Variants in TRIM71 observed in about 807,000 individuals in gnomAD.
TRIM71 encodes the protein E3 ubiquitin-protein ligase TRIM71.
Under a neutral mutation model 61.2 loss-of-function variants are expected in TRIM71, and 9 were observed. The ratio of observed to expected loss-of-function variants is 0.15; its 90% CI spans 0.09 to 0.26. TRIM71 has a LOEUF of 0.26. Among genes scored for constraint, TRIM71 ranks in the 10% least tolerant of loss-of-function variants. The pLI, the probability that TRIM71 is intolerant of heterozygous loss-of-function variation, is 1.00. For synonymous variants in TRIM71, 645 were observed against 553.2 expected (o/e 1.17, Z -2.33); for missense variants, 998 against 1,238.7 (o/e 0.81, Z 2.92).
chr3:32,858,433 T>A (rs561751658), intron 1 of TRIM71, among the ~76,000 whole-genome samples: 2 of 152,212 alleles, frequency 1.3e-5, no homozygotes, highest in Non-Finnish European at 2.9e-5. Flanking sequence ...AAATTAGCAG[T>A]GAACACAGCA....
intron 1 of TRIM71, among the ~76,000 whole-genome samples, chr3:32,823,558 T>C (rs1696163841): frequency 6.6e-6 from 1 of 152,208 alleles, no homozygotes. Context: ...AGACAAGATA[T>C]TTGGGGAAAA....
In TRIM71 at chr3:32,818,750, G is replaced by C; in HGVS notation, c.670G>C (p.Val224Leu). ...CCAGGAGCACCTGTGCGACAACTGC[G>C]TCCGAGCGCACCAGCGCGTGCGCCT... ...DCQEHLCDNCVRAHQRVRLTK... is the reference protein window; with the variant it reads ...DCQEHLCDNCLRAHQRVRLTK... The change falls in exon 1 of 4, where the codon GTC (valine) becomes CTC (leucine). Residue 224 changes from valine to leucine, a missense_variant. Physicochemically the swap from Val to Leu is conservative, Grantham distance 32 (BLOSUM62 1). Transcript: ENST00000383763. 1.9e-6 allele frequency: 3 copies of C among 1,604,224 alleles called. No individual in the cohort carries two copies. The highest frequency in any genetic ancestry group is 2.5e-6 in the Non-Finnish European group (3 of 1,178,232).
intron 1 of TRIM71, among the ~76,000 whole-genome samples, chr3:32,838,789 A>G (rs899210961): frequency 6.6e-6 from 1 of 151,224 alleles, no homozygotes; most frequent in Non-Finnish European, 1.5e-5. Context: ...AAAAATGTGG[A>G]TTTTGAGCTC....
chr3:32,861,821 G>C (rs1237651156), intron 1 of TRIM71, among the ~76,000 whole-genome samples: 1 of 151,988 alleles, frequency 6.6e-6, no homozygotes, highest in Admixed American at 6.6e-5. Flanking sequence ...TTGGGACTTG[G>C]AGACAAATCT....
Position 32,891,270 on chromosome 3 carries a change from A to C in TRIM71, c.2066A>C (p.Lys689Thr). The C allele has an allele frequency of 6.2e-7, 1 of 1,613,868 alleles. No individual in the cohort carries two copies. The highest frequency in any genetic ancestry group is 8.5e-7 in the Non-Finnish European group (1 of 1,179,876). Reference protein sequence around the residue: ...IFTFEGQFLLKFGEKGTKNGQ... With the variant: ...IFTFEGQFLLTFGEKGTKNGQ... Reference sequence around the variant, plus strand: ...ACGTTCGAGGGCCAGTTCCTCCTCAAGTTTGGTGAGAAAGGAACCAAGAAT... The same window carrying C: ...ACGTTCGAGGGCCAGTTCCTCCTCACGTTTGGTGAGAAAGGAACCAAGAAT... The change falls in exon 4 of 4, where the codon AAG (lysine) becomes ACG (threonine). Residue 689 changes from lysine (K) to threonine (T), a missense_variant. Coordinates refer to ENST00000383763, the MANE Select transcript of TRIM71 (RefSeq NM_001039111.3). The surrounding 1 kb of genome is among the most constrained non-coding windows in gnomAD (Gnocchi z 8.2).
chr3:32,829,315 G>T (rs1559537568), intron 1 of TRIM71, among the ~76,000 whole-genome samples: 1 of 151,468 alleles, frequency 6.6e-6, no homozygotes, highest in African/African-American at 2.4e-5. Flanking sequence ...CTCCCGAGTA[G>T]CTGGGATTAC....
Position 32,820,408 on chromosome 3 carries a change from CT to C in TRIM71, c.852+1484del, listed in dbSNP as rs560497504. Reference sequence around the variant, plus strand: ...AGGTAAGAAGCTAGGGGGCAGTTATCTTTTTTTTCCGTTTTTAAACTTTGAA... The same window carrying C: ...AGGTAAGAAGCTAGGGGGCAGTTATCTTTTTTTCCGTTTTTAAACTTTGAA... On this transcript the variant is annotated intron_variant, in intron 1 of 3. Coordinates refer to ENST00000383763, the MANE Select transcript of TRIM71 (RefSeq NM_001039111.3). Among the ~76,000 whole-genome samples, 185 of 152,186 alleles carry C rather than the reference CT, an allele frequency of 1.2e-3. 2 individuals are homozygous for C. Among genetic ancestry groups the C allele is most frequent in the Non-Finnish European group, 2.3e-3 (153 of 67,986 alleles).
chr3:32,872,254 T>A (rs894620834), intron 1 of TRIM71, among the ~76,000 whole-genome samples: 1 of 152,252 alleles, frequency 6.6e-6, no homozygotes, highest in African/African-American at 2.4e-5. Context: ...TCGTTTTTCC[T>A]GTTTCTGAAT....
intron 2 of TRIM71, among the ~76,000 whole-genome samples, chr3:32,878,694 G>T (rs1696875842): frequency 6.6e-6 from 1 of 152,170 alleles, no homozygotes; most frequent in Non-Finnish European, 1.5e-5. Flanking sequence ...TGTCATCCAG[G>T]CTTTGTTTTT....
intron 1 of TRIM71, among the ~76,000 whole-genome samples, chr3:32,848,829 A>G (rs1696506469): frequency 6.6e-6 from 1 of 152,110 alleles, no homozygotes; most frequent in Non-Finnish European, 1.5e-5. Flanking sequence ...GGACAACCAG[A>G]AAGCTGAGCT....
At chr3:32,847,458 G>T (rs914333943) in intron 1 of TRIM71, among the ~76,000 whole-genome samples, 6 of 152,174 alleles carry the variant, frequency 3.9e-5, no homozygotes, top group African/African-American at 1.4e-4. Flanking sequence ...GCCTCCCAAA[G>T]TGCCGGGATT....
chr3:32,884,222 A>T (rs1390940784), intron 2 of TRIM71, among the ~76,000 whole-genome samples: 1 of 152,044 alleles, frequency 6.6e-6, no homozygotes. Context: ...AAGTGCTGGG[A>T]TTACAGGCAT....
At chr3:32,863,005 C>G (rs939587181) in intron 1 of TRIM71, among the ~76,000 whole-genome samples, 1 of 151,998 alleles carries the variant, frequency 6.6e-6, no homozygotes, top group Admixed American at 6.5e-5. Flanking sequence ...TGGTAGCAAC[C>G]TATTAGAAGT....
At chr3:32,879,822 A>C (rs918844757) in intron 2 of TRIM71, among the ~76,000 whole-genome samples, 2 of 151,804 alleles carry the variant, frequency 1.3e-5, no homozygotes, top group African/African-American at 2.4e-5. Context: ...AAAATGAAGA[A>C]GGTTAGCCAG....
intron 2 of TRIM71, among the ~76,000 whole-genome samples, chr3:32,885,061 A>G (rs1269008857): frequency 2.0e-5 from 3 of 152,082 alleles, no homozygotes; most frequent in African/African-American, 7.2e-5. Flanking sequence ...AAAGTCCCAC[A>G]TCCCAGAAAC....
At position 32,895,791 on chromosome 3, in the gene TRIM71, A is replaced by T. The variant is rs1697071461; in HGVS notation, c.*3980A>T. Reference sequence around the variant, plus strand: ...CCAAGGGCACAGGACGCAGCATTCCAGACCACACTGACTGCTTTTGCTGAG... The same window carrying T: ...CCAAGGGCACAGGACGCAGCATTCCTGACCACACTGACTGCTTTTGCTGAG... On this transcript the variant is annotated 3_prime_UTR_variant, in exon 4 of 4. Transcript: ENST00000383763. 6.6e-6 allele frequency: 1 copy of T among 152,240 alleles called. No individual in the cohort carries two copies. Among genetic ancestry groups the T allele is most frequent in the Non-Finnish European group, 1.5e-5 (1 of 68,070 alleles). The allele number at this position is 152,240 out of a possible 1,614,324, so 9.4% of individuals were successfully genotyped here. A position where few individuals can be genotyped will look rare whatever the true frequency, so the allele number is the denominator to read the frequency against.
intron 2 of TRIM71, among the ~76,000 whole-genome samples, chr3:32,877,578 C>G (rs72852836): frequency 6.6e-6 from 1 of 152,126 alleles, no homozygotes; most frequent in Admixed American, 6.5e-5. Context: ...TGATCTCACT[C>G]AAACTCCTGG....
At chr3:32,838,896 G>A (rs1231850916) in intron 1 of TRIM71, among the ~76,000 whole-genome samples, 1 of 152,138 alleles carries the variant, frequency 6.6e-6, no homozygotes, top group African/African-American at 2.4e-5. Context: ...CTCCTCCCGG[G>A]TTCAAGTGAT....
chr3:32,849,197 G>GT (rs1696510757), intron 1 of TRIM71, among the ~76,000 whole-genome samples: 1 of 152,168 alleles, frequency 6.6e-6, no homozygotes, highest in African/African-American at 2.4e-5. Context: ...ACCCAGTCTT[G>GT]TGGAGCTACT....
Sources: gnomAD v4.1 joint callset for allele counts (sites outside exome capture counted in the v4.1 genomes callset) on GRCh38, gnomAD v4.1.1 for gene constraint, Gnocchi (gnomAD v3.1) non-coding constraint, MANE v1.5 for transcripts, NCBI Gene and HGNC (gene_info 2026-07-23, HGNC 2026-07-21) for gene names.